The following TYW1 variants were observed in gnomAD, a reference collection of about 807,000 sequenced individuals.
The protein encoded by TYW1 is S-adenosyl-L-methionine-dependent tRNA 4-demethylwyosine synthase TYW1.
In TYW1, 46 loss-of-function variants were observed where a neutral mutation model predicts 96.2. That is an observed-to-expected ratio of 0.48 (90% CI 0.38 to 0.61). TYW1 has a LOEUF of 0.61. TYW1 is among the 20% of genes least tolerant of loss of function. TYW1 has a pLI of 0.00. For synonymous variants in TYW1, 274 were observed against 323.0 expected, an observed-to-expected ratio of 0.85 and a Z score of 1.63; for missense variants, 684 against 909.6, an observed-to-expected ratio of 0.75 and a Z score of 3.19.
rs1157087137 is a variant in TYW1 at position 67,186,862 on chromosome 7, A to G, written c.1809+3626A>G. Among the ~76,000 whole-genome samples, 11 of 152,244 alleles carry G rather than the reference A, an allele frequency of 7.2e-5. No individual in the cohort carries two copies. In the South Asian group the frequency reaches 2.3e-3, roughly 32 times the overall value. ...ATTTTACTATTTTGTCCTTGCATTC[A>G]ACAATATTTGTGAGCTCTCTCCATG... On this transcript the variant is annotated intron_variant, in intron 14 of 15. Transcript: ENST00000359626.
intron 12 of TYW1, among the ~76,000 whole-genome samples, chr7:67,110,353 C>T (rs1234687100): frequency 2.6e-5 from 4 of 152,154 alleles, no homozygotes; most frequent in Non-Finnish European, 5.9e-5. Flanking sequence ...ACTGAGTAAG[C>T]AGGCAGCGAA....
chr7:67,230,165 G>A (rs1293010758), intron 15 of TYW1, among the ~76,000 whole-genome samples: 1 of 151,578 alleles, frequency 6.6e-6, no homozygotes. Flanking sequence ...AGCTTTTTTT[G>A]GACTTTTGCT....
At chr7:67,189,141 G>A (rs1328921069) in intron 14 of TYW1, among the ~76,000 whole-genome samples, 1 of 152,134 alleles carries the variant, frequency 6.6e-6, no homozygotes, top group Non-Finnish European at 1.5e-5. Context: ...TCTCTTTTGT[G>A]AGTCAAAGGA....
chr7:67,102,670 G>A (rs1262006320), intron 12 of TYW1, among the ~76,000 whole-genome samples: 1 of 147,860 alleles, frequency 6.8e-6, no homozygotes, highest in African/African-American at 2.5e-5. Context: ...TTTTTTTTTT[G>A]AGATGGAGTC....
rs1356223783 is a variant in TYW1 at position 67,055,863 on chromosome 7, G to C, written c.1131G>C (p.Gly377=). Reference sequence around the variant, plus strand: ...ATCAGTTGATTGGGAGCCACTCGGGGGTGAAGCTTTGCAGGTGGACAAAGG... The same window carrying C: ...ATCAGTTGATTGGGAGCCACTCGGGCGTGAAGCTTTGCAGGTGGACAAAGG... ...QGYQLIGSHS[G]VKLCRWTKSM... is the part of the protein sequence containing the mutation. The change falls in exon 9 of 16, where the codon GGG becomes GGC. Residue 377 remains glycine (G), a synonymous_variant. Transcript: ENST00000359626. The C allele has an allele frequency of 6.2e-7, 1 of 1,612,720 alleles. No individual in the cohort carries two copies. Among genetic ancestry groups the C allele is most frequent in the Admixed American group, 1.7e-5 (1 of 59,856 alleles).
chr7:67,133,133 T>C (rs1328821837), intron 13 of TYW1, among the ~76,000 whole-genome samples: 2 of 152,172 alleles, frequency 1.3e-5, no homozygotes, highest in Non-Finnish European at 2.9e-5. Context: ...TTGTTAGTTG[T>C]TGATTCTATT....
intron 9 of TYW1, among the ~76,000 whole-genome samples, chr7:67,062,281 C>T (rs1442848535): frequency 4.0e-5 from 6 of 151,770 alleles, no homozygotes; most frequent in South Asian, 2.1e-4. Context: ...TAGTGGTGGG[C>T]GCCTGTAGTC....
rs777213368 is a variant in TYW1, at chr7:67,172,430, C to CCTT, written c.1699-10696_1699-10695insCTT. Among the ~76,000 whole-genome samples the CCTT allele has an allele frequency of 4.6e-4, 66 of 143,988 alleles. 1 individual carries two copies. Among genetic ancestry groups the CCTT allele is most frequent in the African/African-American group, 1.2e-3 (45 of 38,018 alleles). 94.5% of individuals were successfully genotyped at this position (143,988 alleles called of 152,430 possible). On this transcript the variant is annotated intron_variant, in intron 13 of 15. Coordinates refer to ENST00000359626, the MANE Select transcript of TYW1 (RefSeq NM_018264.4). ...TTGAACCCCACATGACCTTACCATT[C>CCTT]TTTTTTTTGAGATGGAGTCTCACTC...
chr7:67,142,490 A>G (rs1263773748), intron 13 of TYW1, among the ~76,000 whole-genome samples: 1 of 151,992 alleles, frequency 6.6e-6, no homozygotes, highest in Non-Finnish European at 1.5e-5. Flanking sequence ...GTGCAGTGGC[A>G]TGATCTCAGC....
rs188114058 is a variant in TYW1, at chr7:67,131,635, T to G, written c.1698+14017T>G. ...AGAACTAATAGGATAGATGTACATA[T>G]GAAGGGGAGTTTATTGGAGAATTGA... On this transcript the variant is annotated intron_variant, in intron 13 of 15. Transcript: ENST00000359626. Among the ~76,000 whole-genome samples, 14 of 152,272 alleles carry G rather than the reference T, an allele frequency of 9.2e-5. 1 individual carries two copies. In the South Asian group the frequency reaches 1.9e-3, roughly 20 times the overall value.
At chr7:67,127,204 G>T (rs1221304406) in intron 13 of TYW1, among the ~76,000 whole-genome samples, 3 of 150,318 alleles carry the variant, frequency 2.0e-5, no homozygotes, top group Admixed American at 6.6e-5. Flanking sequence ...TGTCATCCAG[G>T]CTGGAGTTCA....
At chr7:67,089,417 C>T (rs990073907) in intron 11 of TYW1, 69 of 1,249,650 alleles carry the variant, frequency 5.5e-5, no homozygotes, top group African/African-American at 7.4e-5. Context: ...AAGGTCGAAG[C>T]GCTGGGTGCG....
At chr7:67,139,728 G>GGGGTGT (rs1384298962) in intron 13 of TYW1, among the ~76,000 whole-genome samples, 5 of 138,522 alleles carry the variant, frequency 3.6e-5, no homozygotes, top group South Asian at 2.5e-4. Flanking sequence ...TGTGTATACA[G>GGGGTGT]GTGTGTGTGT....
intron 13 of TYW1, among the ~76,000 whole-genome samples, chr7:67,158,082 A>ATTTTTTT (rs560215948): frequency 7.8e-4 from 80 of 102,156 alleles, no homozygotes; most frequent in Middle Eastern, 6.9e-3. Flanking sequence ...TTTGCTGAGG[A>ATTTTTTT]TTTTTTTTTT....
chr7:67,038,800 A>C (rs1794921207), intron 7 of TYW1, among the ~76,000 whole-genome samples: 1 of 152,062 alleles, frequency 6.6e-6, no homozygotes. Context: ...GCTACTCGGG[A>C]GGTTGAGACA....
chr7:67,090,875 T>C (rs1330867431), intron 11 of TYW1, among the ~76,000 whole-genome samples: 6 of 152,152 alleles, frequency 3.9e-5, no homozygotes, highest in Non-Finnish European at 5.9e-5. Context: ...TACCATCTCA[T>C]ACCAGTTGGA....
intron 8 of TYW1, among the ~76,000 whole-genome samples, chr7:67,055,218 C>G (rs1276230553): frequency 6.6e-6 from 1 of 152,104 alleles, no homozygotes; most frequent in Non-Finnish European, 1.5e-5. Flanking sequence ...TTGCTTACAT[C>G]TTTTAGAGCT....
chr7:67,209,636 G>T (rs192843017), intron 15 of TYW1, among the ~76,000 whole-genome samples: 2 of 151,962 alleles, frequency 1.3e-5, no homozygotes, highest in South Asian at 4.2e-4. Flanking sequence ...GCAGTGGCGC[G>T]ATCTCAGCTC....
chr7:67,179,866 T>TATA lies in TYW1; in HGVS notation c.1699-3260_1699-3259insATA, dbSNP rs1271589667. Among the ~76,000 whole-genome samples, 258 of 61,424 alleles carry TATA rather than the reference T, an allele frequency of 4.2e-3. 22 individuals carry two copies. Among genetic ancestry groups the TATA allele is most frequent in the African/African-American group, 9.1e-3 (125 of 13,754 alleles). 40.3% of individuals were successfully genotyped at this position (61,424 alleles called of 152,430 possible). A position where few individuals can be genotyped will look rare whatever the true frequency, so the allele number is the denominator to read the frequency against. ...TTAGGAATATATATATATATATATATTTTTTTTTTTTGGCGGGGGACAGGG... is the reference window on the plus strand; with the variant it reads ...TTAGGAATATATATATATATATATATATATTTTTTTTTTTGGCGGGGGACAGGG... On this transcript the variant is annotated intron_variant, in intron 13 of 15. Coordinates refer to ENST00000359626, the MANE Select transcript of TYW1 (RefSeq NM_018264.4).
Sources: gnomAD v4.1 joint callset for allele counts (sites outside exome capture counted in the v4.1 genomes callset) on GRCh38, gnomAD v4.1.1 for gene constraint, MANE v1.5 for transcripts, NCBI Gene and HGNC (gene_info 2026-07-23, HGNC 2026-07-21) for gene names.